ELP4: variants seen among roughly 807,000 people sequenced by gnomAD.
The protein encoded by ELP4 is elongator complex protein 4.
A neutral mutation model predicts 48.9 loss-of-function variants in ELP4; 51 were observed. The ratio of observed to expected loss-of-function variants is 1.04; its 90% CI spans 0.83 to 1.32. The LOEUF is 1.32. Ranked by LOEUF, ELP4 falls within the 40% of genes most tolerant of loss-of-function variation. ELP4 has a pLI of 0.00. For synonymous variants in ELP4, 210 were observed against 189.2 expected (o/e 1.11, Z -0.90); for missense variants, 519 against 514.6 (o/e 1.01, Z -0.08).
intron 9 of ELP4, among the ~76,000 whole-genome samples, chr11:31,746,744 C>A (rs1007434112): frequency 1.3e-5 from 2 of 151,582 alleles, no homozygotes; most frequent in Non-Finnish European, 2.9e-5. Flanking sequence ...GTTGTGGGGT[C>A]GGTGGAGGGG....
chr11:31,655,385 A>G (rs964518454), intron 9 of ELP4, among the ~76,000 whole-genome samples: 2 of 152,016 alleles, frequency 1.3e-5, no homozygotes, highest in Non-Finnish European at 2.9e-5. Context: ...TAAGAAAAAA[A>G]AAAACATCAT....
At chr11:31,576,236 G>C (rs1383139368) in intron 3 of ELP4, among the ~76,000 whole-genome samples, 1 of 152,188 alleles carries the variant, frequency 6.6e-6, no homozygotes, top group East Asian at 1.9e-4. Context: ...AACAAGAAGA[G>C]CTAACTATCC....
intron 9 of ELP4, chr11:31,654,554 A>G (rs1945387876): frequency 6.6e-6 from 1 of 151,866 alleles, no homozygotes; most frequent in Non-Finnish European, 1.5e-5. Context: ...TAGAATCAAT[A>G]TAAGTTAGAT....
At chr11:31,702,184 A>T (rs11031452) in intron 9 of ELP4, among the ~76,000 whole-genome samples, 96,487 of 151,896 alleles carry the variant, frequency 0.64, 33,107 homozygotes, top group Non-Finnish European at 0.76. Context: ...CACACACCTG[A>T]CCCAGCTACT....
chr11:31,515,061 A>G (rs1389299248), intron 1 of ELP4, among the ~76,000 whole-genome samples: 2 of 145,658 alleles, frequency 1.4e-5, no homozygotes, highest in Non-Finnish European at 3.1e-5. Context: ...ATATATGTAT[A>G]GGTCCAAATT....
intron 9 of ELP4, among the ~76,000 whole-genome samples, chr11:31,686,985 A>T (rs1019858816): frequency 1.3e-5 from 2 of 152,122 alleles, no homozygotes; most frequent in African/African-American, 4.8e-5. Flanking sequence ...AGGCCAGGTG[A>T]TCATCATCAT....
intron 5 of ELP4, among the ~76,000 whole-genome samples, chr11:31,610,516 C>A (rs1311229786): frequency 6.6e-6 from 1 of 152,142 alleles, no homozygotes; most frequent in African/African-American, 2.4e-5. Flanking sequence ...GCCTCCCTTC[C>A]CCCCTCCGTA....
At chr11:31,766,784 T>C (rs1185427715) in intron 9 of ELP4, among the ~76,000 whole-genome samples, 1 of 152,134 alleles carries the variant, frequency 6.6e-6, no homozygotes, top group African/African-American at 2.4e-5. Context: ...GTTTGTAATA[T>C]ACTCTGTAAT....
intron 2 of ELP4, among the ~76,000 whole-genome samples, chr11:31,529,255 G>A (rs1956352787): frequency 6.6e-6 from 1 of 152,054 alleles, no homozygotes; most frequent in East Asian, 1.9e-4. Context: ...CCTAGAATTG[G>A]TGAGTTCTCA....
chr11:31,586,186 C>T (rs1957470071), intron 3 of ELP4, among the ~76,000 whole-genome samples: 2 of 152,160 alleles, frequency 1.3e-5, no homozygotes, highest in Admixed American at 6.5e-5. Flanking sequence ...TGGGAAAATA[C>T]TCATCTAACA....
chr11:31,519,146 G>A (rs1226496678), intron 1 of ELP4, among the ~76,000 whole-genome samples: 9 of 152,064 alleles, frequency 5.9e-5, no homozygotes. Flanking sequence ...CACTAGTCTA[G>A]TAATACCGAA....
intron 4 of ELP4, 138 bp downstream of exon 4, chr11:31,595,039 A>G: frequency 3.0e-6 from 2 of 663,570 alleles, no homozygotes. Context: ...TTTGGTCAAG[A>G]TGATCTATTT....
At chr11:31,744,045 A>T (rs1218601975) in intron 9 of ELP4, among the ~76,000 whole-genome samples, 14 of 152,326 alleles carry the variant, frequency 9.2e-5, no homozygotes, top group Non-Finnish European at 1.3e-4. Context: ...CGCAATAAAA[A>T]ATGATAAAGG....
chr11:31,545,356 A>G (rs1956681760), intron 3 of ELP4, among the ~76,000 whole-genome samples: 3 of 152,222 alleles, frequency 2.0e-5, no homozygotes, highest in African/African-American at 7.2e-5. Context: ...TCAGTAGCCG[A>G]TGCGATCAAC....
At chr11:31,623,716 A>G (rs1444371461) in intron 5 of ELP4, among the ~76,000 whole-genome samples, 2 of 151,040 alleles carry the variant, frequency 1.3e-5, no homozygotes, top group Non-Finnish European at 3.0e-5. Flanking sequence ...TTATTCTCAT[A>G]TCAAAGAACC....
intron 9 of ELP4, among the ~76,000 whole-genome samples, chr11:31,661,739 C>A (rs965740914): frequency 6.6e-6 from 1 of 151,868 alleles, no homozygotes; most frequent in Admixed American, 6.6e-5. Context: ...TCTTTAGATG[C>A]TTAATATATT....
At chr11:31,610,183 C>A (rs1592156585) in intron 5 of ELP4, among the ~76,000 whole-genome samples, 1 of 152,032 alleles carries the variant, frequency 6.6e-6, no homozygotes, top group Admixed American at 6.6e-5. Flanking sequence ...TAAATTAGTG[C>A]AAATCTCAGA....
chr11:31,626,715 TTCAG>T (rs1944752019), intron 5 of ELP4, among the ~76,000 whole-genome samples: 1 of 151,910 alleles, frequency 6.6e-6, no homozygotes, highest in African/African-American at 2.4e-5. Flanking sequence ...AGGACATGGA[TTCAG>T]GTGTACTTGG....
At chr11:31,676,537 A>G (rs1945928997) in intron 9 of ELP4, among the ~76,000 whole-genome samples, 1 of 152,252 alleles carries the variant, frequency 6.6e-6, no homozygotes, top group African/African-American at 2.4e-5. Flanking sequence ...GCTCAAAAAA[A>G]CAAGTTTGTA....
Sources: allele counts gnomAD v4.1 joint callset (sites outside exome capture counted in the v4.1 genomes callset), GRCh38; gene constraint gnomAD v4.1.1; transcripts MANE v1.5; gene names NCBI Gene and HGNC (gene_info 2026-07-23, HGNC 2026-07-21).